Variants in ZNF609 observed in about 807,000 individuals in gnomAD.
ZNF609 encodes the protein zinc finger protein 609.
In ZNF609, 11 loss-of-function variants were observed where a neutral mutation model predicts 109.5. The ratio of observed to expected loss-of-function variants is 0.10; its 90% CI spans 0.06 to 0.17. The LOEUF (loss-of-function observed/expected upper bound fraction) is 0.17. Ranked by LOEUF, ZNF609 falls within the 10% of genes least tolerant of loss-of-function variation. The probability of loss-of-function intolerance (pLI) is 1.00; values close to 1 mark genes in which losing one functional copy is unlikely to be tolerated. For missense variants in ZNF609, 1,559 were observed against 1,772.4 expected, an observed-to-expected ratio of 0.88 and a Z score of 2.16; for synonymous variants, 646 against 662.0, an observed-to-expected ratio of 0.98 and a Z score of 0.37.
chr15:64,547,420 T>G (rs533880369), intron 2 of ZNF609, among the ~76,000 whole-genome samples: 109 of 152,306 alleles, frequency 7.2e-4, no homozygotes, highest in African/African-American at 2.5e-3. Context: ...AAGTAAACCA[T>G]GAATATAAAG....
At chr15:64,535,911 G>A (rs1429927400) in intron 2 of ZNF609, among the ~76,000 whole-genome samples, 2 of 151,718 alleles carry the variant, frequency 1.3e-5, no homozygotes, top group African/African-American at 4.8e-5. Context: ...TTTATCACCT[G>A]TGTATTCTCT....
At chr15:64,626,673 CT>C (rs1895968442) in intron 3 of ZNF609, among the ~76,000 whole-genome samples, 1 of 152,150 alleles carries the variant, frequency 6.6e-6, no homozygotes, top group African/African-American at 2.4e-5. Context: ...GTTTCTTTGC[CT>C]ACTTGTCCTA....
intron 2 of ZNF609, among the ~76,000 whole-genome samples, chr15:64,554,926 A>G (rs1292578085): frequency 2.6e-5 from 4 of 151,660 alleles, no homozygotes; most frequent in Admixed American, 1.3e-4. Context: ...CTGAAACCCC[A>G]TCTCCACTAA....
rs534062619 is a variant in ZNF609, at chr15:64,683,350, A to C, written c.*1664A>C. 2.0e-5 allele frequency: 3 copies of C among 152,774 alleles called. No homozygotes were observed. The highest frequency in any genetic ancestry group is 7.2e-5 in the African/African-American group (3 of 41,562). The allele number at this position is 152,774 out of a possible 1,614,324, so 9.5% of individuals were successfully genotyped here. A position where few individuals can be genotyped will look rare whatever the true frequency, so the allele number is the denominator to read the frequency against. ...ATAGGGGACAGTAAGCACAATGCCCAGTAGTAGTTGATTTCCAAGGACCCT... is the reference window on the plus strand; with the variant it reads ...ATAGGGGACAGTAAGCACAATGCCCCGTAGTAGTTGATTTCCAAGGACCCT... On this transcript the variant is annotated 3_prime_UTR_variant, in exon 10 of 10. Transcript: ENST00000326648.
chr15:64,563,553 G>A (rs552338413), intron 2 of ZNF609, among the ~76,000 whole-genome samples: 7 of 152,172 alleles, frequency 4.6e-5, no homozygotes, highest in African/African-American at 1.7e-4. Context: ...GAGGTGGGTG[G>A]ATTACCTGAA....
chr15:64,683,190 A>T lies in ZNF609; in HGVS notation c.*1504A>T, dbSNP rs1016742938. ...CTCTGTTCTCCCCTCCTATCTTTCC[A>T]TGACCCTCTGGATTGAGAGAGAGAG... On this transcript the variant is annotated 3_prime_UTR_variant, in exon 10 of 10. Transcript: ENST00000326648. 2 of 152,544 alleles carry T rather than the reference A, an allele frequency of 1.3e-5. No individual in the cohort carries two copies. Among genetic ancestry groups the T allele is most frequent in the African/African-American group, 4.8e-5 (2 of 41,400 alleles). The allele number at this position is 152,544 out of a possible 1,614,324, so 9.4% of individuals were successfully genotyped here. A position where few individuals can be genotyped will look rare whatever the true frequency, so the allele number is the denominator to read the frequency against.
chr15:64,671,434 T>C (rs1489377038), intron 4 of ZNF609: 1 of 152,126 alleles, frequency 6.6e-6, no homozygotes, highest in African/African-American at 2.4e-5. Context: ...TAAAGTCACC[T>C]TGAGACCAAA....
At chr15:64,640,462 G>C (rs1283314233) in intron 3 of ZNF609, among the ~76,000 whole-genome samples, 1 of 151,986 alleles carries the variant, frequency 6.6e-6, no homozygotes, top group Non-Finnish European at 1.5e-5. Context: ...CTCTGAAACA[G>C]TCAAGTAGAG....
At position 64,465,411 on chromosome 15, in the gene ZNF609, C is replaced by T. The variant is rs955020044; in HGVS notation, c.-128+4573C>T. The stretch of plus-strand genomic sequence containing the variant: ...GTTTTTCTTTTTTGAGACGGAGTTT[C>T]GCTCCTGTGGCCCAGGCTGGAGTGT... On this transcript the variant is annotated intron_variant, in intron 1 of 9. Coordinates refer to ENST00000326648, the MANE Select transcript of ZNF609 (RefSeq NM_015042.2). Among the ~76,000 whole-genome samples the T allele has an allele frequency of 3.9e-5, 6 of 152,058 alleles. No individual in the cohort carries two copies. In the South Asian group the frequency reaches 6.2e-4, roughly 16 times the overall value.
At chr15:64,492,914 G>A (rs985115310) in intron 1 of ZNF609, among the ~76,000 whole-genome samples, 1 of 152,130 alleles carries the variant, frequency 6.6e-6, no homozygotes, top group East Asian at 1.9e-4. Flanking sequence ...TGCAGGTTTT[G>A]GAGGGGAATA....
intron 5 of ZNF609, among the ~76,000 whole-genome samples, chr15:64,676,467 G>A (rs1463299234): frequency 1.3e-5 from 2 of 152,082 alleles, no homozygotes; most frequent in Non-Finnish European, 2.9e-5. Context: ...GTCTCACTCT[G>A]TTGCCCAGGC....
chr15:64,475,594 T>C (rs1421037284), intron 1 of ZNF609, among the ~76,000 whole-genome samples: 1 of 152,028 alleles, frequency 6.6e-6, no homozygotes, highest in Non-Finnish European at 1.5e-5. Context: ...AGTTTCACCA[T>C]CTTGGCCAGG....
intron 1 of ZNF609, among the ~76,000 whole-genome samples, chr15:64,493,683 G>C (rs1893445256): frequency 6.6e-6 from 1 of 152,198 alleles, no homozygotes; most frequent in African/African-American, 2.4e-5. Flanking sequence ...TTAGGCAGAA[G>C]GAGAGAAAAG....
chr15:64,529,396 C>T (rs778020318), intron 2 of ZNF609: 43 of 751,140 alleles, frequency 5.7e-5, no homozygotes, highest in Middle Eastern at 3.4e-4. Flanking sequence ...ACGTACTCAG[C>T]GCCAGCATCA....
At chr15:64,492,710 T>C (rs1893431070) in intron 1 of ZNF609, among the ~76,000 whole-genome samples, 1 of 152,200 alleles carries the variant, frequency 6.6e-6, no homozygotes, top group African/African-American at 2.4e-5. Context: ...TTCAGATTTA[T>C]ATCCTCATGA....
At chr15:64,497,855 C>T (rs1033348542) in intron 1 of ZNF609, among the ~76,000 whole-genome samples, 1 of 151,280 alleles carries the variant, frequency 6.6e-6, no homozygotes, top group Non-Finnish European at 1.5e-5. Context: ...GAGCCGAGAT[C>T]ACGCCACTGC....
intron 3 of ZNF609, among the ~76,000 whole-genome samples, chr15:64,635,490 G>C (rs1048261307): frequency 1.3e-5 from 2 of 152,142 alleles, no homozygotes; most frequent in African/African-American, 2.4e-5. Flanking sequence ...AAATGAGGAG[G>C]TTGGACTACA....
chr15:64,635,696 G>T (rs1896163225), intron 3 of ZNF609, among the ~76,000 whole-genome samples: 1 of 152,182 alleles, frequency 6.6e-6, no homozygotes, highest in South Asian at 2.1e-4. Flanking sequence ...CTGTAACAAT[G>T]ATAGGCAGAA....
intron 2 of ZNF609, chr15:64,529,233 A>G: frequency 1.4e-6 from 1 of 719,234 alleles, no homozygotes; most frequent in Non-Finnish European, 2.6e-6. Context: ...ATTGCTGACG[A>G]TCTTGAGGCT....
Sources: gnomAD v4.1 joint callset for allele counts (sites outside exome capture counted in the v4.1 genomes callset) on GRCh38, gnomAD v4.1.1 for gene constraint, MANE v1.5 for transcripts, NCBI Gene and HGNC (gene_info 2026-07-23, HGNC 2026-07-21) for gene names.